DIAPH3: variants seen among roughly 807,000 people sequenced by gnomAD.
The protein encoded by DIAPH3 is protein diaphanous homolog 3.
A neutral mutation model predicts 144.3 loss-of-function variants in DIAPH3; 117 were observed. The observed-to-expected ratio is 0.81, with a 90% CI of 0.70 to 0.95. The LOEUF (loss-of-function observed/expected upper bound fraction) is 0.95. Ranked by LOEUF, DIAPH3 falls within the 40% of genes least tolerant of loss-of-function variation. DIAPH3 has a pLI of 0.00. For synonymous variants in DIAPH3, 519 were observed against 488.9 expected, an observed-to-expected ratio of 1.06 and a Z score of -0.81; for missense variants, 1,421 against 1,412.7, an observed-to-expected ratio of 1.01 and a Z score of -0.09.
At chr13:60,124,053 T>A (rs2058918537) in intron 2 of DIAPH3, among the ~76,000 whole-genome samples, 1 of 152,178 alleles carries the variant, frequency 6.6e-6, no homozygotes, top group Non-Finnish European at 1.5e-5. Context: ...TAGGTACAGG[T>A]AAACAAAGCT....
chr13:59,983,645 G>A, intron 13 of DIAPH3, 124 bp downstream of exon 13: 1 of 667,960 alleles, frequency 1.5e-6, no homozygotes, highest in Non-Finnish European at 2.6e-6. Context: ...GTGCTATTAT[G>A]AAAACAGTTT....
At chr13:60,063,216 T>A (rs2056834779) in intron 4 of DIAPH3, among the ~76,000 whole-genome samples, 1 of 152,240 alleles carries the variant, frequency 6.6e-6, no homozygotes, top group Admixed American at 6.5e-5. Context: ...CAATAAACCA[T>A]TTTCTTTGCC....
At chr13:59,889,885 T>C (rs1267715479) in intron 20 of DIAPH3, among the ~76,000 whole-genome samples, 1 of 152,112 alleles carries the variant, frequency 6.6e-6, no homozygotes, top group Non-Finnish European at 1.5e-5. Flanking sequence ...TCCAACCTGT[T>C]TTCCCTGGGG....
intron 21 of DIAPH3, among the ~76,000 whole-genome samples, chr13:59,863,184 T>C (rs1289625873): frequency 1.3e-5 from 2 of 152,028 alleles, no homozygotes. Flanking sequence ...ATAGAAAGTA[T>C]TGGCAAGGAG....
intron 25 of DIAPH3, among the ~76,000 whole-genome samples, chr13:59,800,478 A>G (rs2039848725): frequency 6.6e-6 from 1 of 152,162 alleles, no homozygotes; most frequent in Non-Finnish European, 1.5e-5. Flanking sequence ...GCTTGACATC[A>G]TTTGGGTTCT....
intron 3 of DIAPH3, 134 bp downstream of exon 3, chr13:60,111,876 C>G: frequency 1.2e-6 from 1 of 829,104 alleles, no homozygotes; most frequent in Non-Finnish European, 1.9e-6. Flanking sequence ...CTCTTTGTGG[C>G]TGAAGTGCTA....
At chr13:59,844,024 G>A (rs2042486047) in intron 22 of DIAPH3, among the ~76,000 whole-genome samples, 1 of 151,572 alleles carries the variant, frequency 6.6e-6, no homozygotes, top group South Asian at 2.1e-4. Context: ...TAGGTAATGG[G>A]TTTATAGATG....
In DIAPH3 at chr13:59,998,364, C is replaced by T. The variant is rs142488610; in HGVS notation, c.1015-5781G>A. Among the ~76,000 whole-genome samples the T allele has an allele frequency of 5.7e-3, 868 of 152,190 alleles. 7 individuals are homozygous for T. Among genetic ancestry groups the T allele is most frequent in the African/African-American group, 0.02 (813 of 41,542 alleles). On this transcript the variant is annotated intron_variant, in intron 9 of 27. Transcript: ENST00000400324. The stretch of plus-strand genomic sequence containing the variant: ...AATTTTCGTATGAAATGTTAGATGG[C>T]TTTAAATTCTTGAGTATAAGCTTCT...
chr13:60,076,830 A>T (rs2057397844), intron 4 of DIAPH3, among the ~76,000 whole-genome samples: 2 of 152,152 alleles, frequency 1.3e-5, no homozygotes, highest in Non-Finnish European at 2.9e-5. Flanking sequence ...GTAATTATTT[A>T]AAGACATTTT....
intron 20 of DIAPH3, among the ~76,000 whole-genome samples, chr13:59,907,478 A>C (rs2046797049): frequency 1.3e-5 from 2 of 152,198 alleles, no homozygotes; most frequent in Admixed American, 1.3e-4. Flanking sequence ...AAAATCTCCT[A>C]GAAAACACAG....
chr13:59,940,271 G>A (rs2048463407), intron 17 of DIAPH3, among the ~76,000 whole-genome samples: 1 of 152,154 alleles, frequency 6.6e-6, no homozygotes, highest in Admixed American at 6.5e-5. Context: ...TGACACTTGG[G>A]CAGAGAAGAA....
intron 17 of DIAPH3, among the ~76,000 whole-genome samples, chr13:59,952,168 A>T (rs1027222198): frequency 6.6e-6 from 1 of 152,162 alleles, no homozygotes; most frequent in African/African-American, 2.4e-5. Flanking sequence ...ATATTGTGTG[A>T]TTCCACTGAT....
At chr13:59,956,389 G>C (rs1039499592) in intron 17 of DIAPH3, among the ~76,000 whole-genome samples, 1 of 152,210 alleles carries the variant, frequency 6.6e-6, no homozygotes, top group Admixed American at 6.5e-5. Flanking sequence ...AAGGGGCAAA[G>C]GTACAGCTCA....
chr13:59,795,421 G>A (rs568746337), intron 25 of DIAPH3, among the ~76,000 whole-genome samples: 1 of 150,942 alleles, frequency 6.6e-6, no homozygotes, highest in East Asian at 2.0e-4. Context: ...AGATGCTTCT[G>A]TCCCAGGGAA....
chr13:60,005,819 G>A (rs573003299), intron 9 of DIAPH3, among the ~76,000 whole-genome samples: 12 of 152,104 alleles, frequency 7.9e-5, no homozygotes, highest in South Asian at 2.1e-4. Context: ...TTTATGATAC[G>A]TTAATTTAGT....
intron 4 of DIAPH3, among the ~76,000 whole-genome samples, chr13:60,087,006 T>C (rs2057768707): frequency 1.3e-5 from 2 of 152,182 alleles, no homozygotes; most frequent in Admixed American, 6.5e-5. Flanking sequence ...AGTATTTGCA[T>C]ATAACATTCA....
chr13:59,666,462 A>AAT lies in DIAPH3; in HGVS notation c.*120_*121dup. The AAT allele has an allele frequency of 1.7e-6, 2 of 1,151,632 alleles. No individual in the cohort carries two copies. Among genetic ancestry groups the AAT allele is most frequent in the Non-Finnish European group, 2.4e-6 (2 of 826,432 alleles). 71.3% of individuals were successfully genotyped at this position (1,151,632 alleles called of 1,614,324 possible). On this transcript the variant is annotated 3_prime_UTR_variant, in exon 28 of 28. Coordinates refer to ENST00000400324, the MANE Select transcript of DIAPH3 (RefSeq NM_001042517.2). ...ATCATATATTTAGCTTTATTTTTCTAATATATATCATAATTTAAAACTATA... is the reference window on the plus strand; with the variant it reads ...ATCATATATTTAGCTTTATTTTTCTAATATATATATCATAATTTAAAACTATA...
intron 21 of DIAPH3, among the ~76,000 whole-genome samples, chr13:59,875,563 T>C (rs2044569430): frequency 6.6e-6 from 1 of 152,140 alleles, no homozygotes; most frequent in South Asian, 2.1e-4. Context: ...ACTCATTTGT[T>C]GTTTATAACA....
At chr13:60,084,286 T>C (rs1014507614) in intron 4 of DIAPH3, among the ~76,000 whole-genome samples, 3 of 152,072 alleles carry the variant, frequency 2.0e-5, no homozygotes, top group Non-Finnish European at 2.9e-5. Flanking sequence ...TGATAATTCA[T>C]TAAGCTACAC....
Sources: allele counts gnomAD v4.1 joint callset (sites outside exome capture counted in the v4.1 genomes callset), GRCh38; gene constraint gnomAD v4.1.1; transcripts MANE v1.5; gene names NCBI Gene and HGNC (gene_info 2026-07-23, HGNC 2026-07-21).